Variants in GULP1 observed in about 807,000 individuals in gnomAD.
GULP1 encodes PTB domain-containing engulfment adapter protein 1.
In GULP1, 19 loss-of-function variants were observed where a neutral mutation model predicts 40.9. The observed-to-expected ratio is 0.46, with a 90% CI of 0.32 to 0.68. The LOEUF (loss-of-function observed/expected upper bound fraction) is 0.68, where lower values mean the gene tolerates loss of function less well. Ranked by LOEUF, GULP1 falls within the 30% of genes least tolerant of loss-of-function variation. GULP1 has a pLI of 0.03. For missense variants in GULP1, 312 were observed against 362.2 expected (o/e 0.86, Z 1.12); for synonymous variants, 119 against 117.6 (o/e 1.01, Z -0.08).
intron 2 of GULP1, among the ~76,000 whole-genome samples, chr2:188,446,292 C>T (rs756475671): frequency 6.6e-6 from 1 of 152,140 alleles, no homozygotes; most frequent in Non-Finnish European, 1.5e-5. Context: ...GAATTGAAAA[C>T]ACTAGTGTCC....
intron 11 of GULP1, chr2:188,588,985 CAT>C (rs1291662786): frequency 6.6e-6 from 1 of 152,098 alleles, no homozygotes; most frequent in African/African-American, 2.4e-5. Context: ...AATTACTTAA[CAT>C]ATGTCTTGAG....
At chr2:188,586,397 A>G (rs1702379214) in intron 10 of GULP1, among the ~76,000 whole-genome samples, 1 of 152,164 alleles carries the variant, frequency 6.6e-6, no homozygotes, top group African/African-American at 2.4e-5. Context: ...ACAAACACCT[A>G]CTAGGTGAAA....
intron 1 of GULP1, among the ~76,000 whole-genome samples, chr2:188,314,502 G>A (rs1262234436): frequency 6.6e-6 from 1 of 152,110 alleles, no homozygotes; most frequent in African/African-American, 2.4e-5. Flanking sequence ...CACACAGCTA[G>A]GATGTAGGCC....
chr2:188,492,368 G>A (rs2062477523), intron 4 of GULP1, among the ~76,000 whole-genome samples: 1 of 151,966 alleles, frequency 6.6e-6, no homozygotes, highest in Non-Finnish European at 1.5e-5. Context: ...AAATAACCCA[G>A]TATAGACTTT....
intron 1 of GULP1, among the ~76,000 whole-genome samples, chr2:188,308,070 T>TCA (rs58010561): frequency 1.3e-5 from 2 of 151,234 alleles, no homozygotes; most frequent in East Asian, 1.9e-4. Flanking sequence ...CACTCAGCTC[T>TCA]TGATCATGAT....
chr2:188,443,830 G>C (rs1466200574), intron 2 of GULP1, among the ~76,000 whole-genome samples: 1 of 151,512 alleles, frequency 6.6e-6, no homozygotes, highest in East Asian at 1.9e-4. Context: ...GGGATTACAG[G>C]TGCCTGCAAA....
intron 9 of GULP1, among the ~76,000 whole-genome samples, chr2:188,580,369 C>T (rs563251121): frequency 2.6e-5 from 4 of 151,748 alleles, no homozygotes; most frequent in African/African-American, 7.2e-5. Context: ...CCGGCTAAAA[C>T]GGTGAAACCC....
At chr2:188,400,352 C>T (rs1223859508) in intron 2 of GULP1, among the ~76,000 whole-genome samples, 1 of 152,130 alleles carries the variant, frequency 6.6e-6, no homozygotes, top group Non-Finnish European at 1.5e-5. Context: ...TCTACAAAGA[C>T]CATATTTCCA....
At chr2:188,462,042 C>A (rs1339588920) in intron 2 of GULP1, among the ~76,000 whole-genome samples, 1 of 149,246 alleles carries the variant, frequency 6.7e-6, no homozygotes, top group Non-Finnish European at 1.5e-5. Flanking sequence ...AGTTTTTCTT[C>A]TTTTTTGTTG....
In GULP1 at chr2:188,494,553, G is replaced by A. The variant is rs7573579; in HGVS notation, c.90+11061G>A. ...TTGGTGTCAACTGCTATAGGCCACCGTCATCTGTCTCACACACAGACCCGT... is the reference window on the plus strand; with the variant it reads ...TTGGTGTCAACTGCTATAGGCCACCATCATCTGTCTCACACACAGACCCGT... On this transcript the variant is annotated intron_variant, in intron 4 of 11. Coordinates refer to ENST00000409830, the MANE Select transcript of GULP1 (RefSeq NM_016315.4). Among the ~76,000 whole-genome samples the A allele has an allele frequency of 1.1e-4, 16 of 152,058 alleles. No homozygotes were observed. In the East Asian group the frequency reaches 1.2e-3, roughly 11 times the overall value.
At chr2:188,469,559 A>G (rs968836478) in intron 2 of GULP1, among the ~76,000 whole-genome samples, 23 of 152,100 alleles carry the variant, frequency 1.5e-4, no homozygotes, top group African/African-American at 5.6e-4. Context: ...AGGGGGAGTG[A>G]GGCATCTCAC....
chr2:188,514,142 C>A (rs2064939908), intron 4 of GULP1, among the ~76,000 whole-genome samples: 1 of 151,382 alleles, frequency 6.6e-6, no homozygotes, highest in Non-Finnish European at 1.5e-5. Flanking sequence ...CCCGAGCTAT[C>A]GGGCAAGGCT....
intron 2 of GULP1, among the ~76,000 whole-genome samples, chr2:188,400,436 A>G (rs1307740726): frequency 1.3e-5 from 2 of 152,206 alleles, no homozygotes; most frequent in African/African-American, 2.4e-5. Flanking sequence ...ATAGTGGGGT[A>G]CATTGTTCTG....
intron 1 of GULP1, among the ~76,000 whole-genome samples, chr2:188,300,596 A>G (rs868612255): frequency 3.3e-5 from 5 of 152,166 alleles, no homozygotes; most frequent in African/African-American, 4.8e-5. Flanking sequence ...AACATAATTT[A>G]GTTCGCTATA....
chr2:188,325,431 C>T (rs975607213), intron 1 of GULP1, among the ~76,000 whole-genome samples: 1 of 151,998 alleles, frequency 6.6e-6, no homozygotes, highest in Non-Finnish European at 1.5e-5. Flanking sequence ...ACTAGAATTA[C>T]TTAAAGTTTG....
chr2:188,474,956 TTTC>T (rs2060890244), intron 2 of GULP1, among the ~76,000 whole-genome samples: 2 of 152,194 alleles, frequency 1.3e-5, no homozygotes, highest in African/African-American at 4.8e-5. Context: ...TAGAATTGTA[TTTC>T]TTAACTTATT....
intron 4 of GULP1, among the ~76,000 whole-genome samples, chr2:188,515,798 A>G (rs1045815860): frequency 1.4e-4 from 22 of 152,252 alleles, no homozygotes; most frequent in African/African-American, 5.3e-4. Flanking sequence ...GCACTTAGTA[A>G]ATGCTAGACT....
chr2:188,318,484 G>T (rs72907635), intron 1 of GULP1, among the ~76,000 whole-genome samples: 14,052 of 152,158 alleles, frequency 0.092, 1,083 homozygotes, highest in African/African-American at 0.2. Context: ...ATATGGAAAT[G>T]TAGCTCAATA....
At chr2:188,579,202 G>T (rs964570651) in intron 9 of GULP1, among the ~76,000 whole-genome samples, 1 of 152,140 alleles carries the variant, frequency 6.6e-6, no homozygotes, top group Non-Finnish European at 1.5e-5. Context: ...ACATTCAAGT[G>T]TGAAATGGGC....
Sources: allele counts gnomAD v4.1 joint callset (sites outside exome capture counted in the v4.1 genomes callset), GRCh38; gene constraint gnomAD v4.1.1; transcripts MANE v1.5; gene names NCBI Gene and HGNC (gene_info 2026-07-23, HGNC 2026-07-21).